Variants in CCDC144A observed in about 807,000 individuals in gnomAD.
CCDC144A encodes the protein coiled-coil domain-containing protein 144A.
Under a neutral mutation model 143.8 loss-of-function variants are expected in CCDC144A, and 41 were observed. The ratio of observed to expected loss-of-function variants is 0.29; its 90% CI spans 0.22 to 0.37. CCDC144A has a LOEUF of 0.37. CCDC144A is among the 10% of genes least tolerant of loss of function. The probability of loss-of-function intolerance (pLI) is 1.00; values close to 1 mark genes in which losing one functional copy is unlikely to be tolerated. For missense variants in CCDC144A, 637 were observed against 1,488.8 expected, an observed-to-expected ratio of 0.43 and a Z score of 9.41; for synonymous variants, 242 against 517.9, an observed-to-expected ratio of 0.47 and a Z score of 7.23.
intron 15 of CCDC144A, among the ~76,000 whole-genome samples, chr17:16,767,815 C>A (rs1915670308): frequency 6.6e-6 from 1 of 152,214 alleles, no homozygotes; most frequent in South Asian, 2.1e-4. Flanking sequence ...TCTCTACATT[C>A]ATGACAGTTA....
the CCDC144A span, among the ~76,000 whole-genome samples, chr17:16,675,529 G>T: frequency 1.3e-5 from 2 of 149,254 alleles, no homozygotes; most frequent in African/African-American, 2.5e-5. Flanking sequence ...TATAACATAC[G>T]GAAAACAAAA....
At chr17:16,716,067 A>G (rs1436626500) in intron 6 of CCDC144A, among the ~76,000 whole-genome samples, 1 of 152,102 alleles carries the variant, frequency 6.6e-6, no homozygotes, top group Non-Finnish European at 1.5e-5. Context: ...GTTGCCTTCC[A>G]TCAACTATGT....
intron 3 of CCDC144A, chr17:16,706,838 G>A (rs1227159742): frequency 6.6e-6 from 1 of 152,142 alleles, no homozygotes; most frequent in Non-Finnish European, 1.5e-5. Flanking sequence ...AGATGCAGTA[G>A]AAAAATCAGT....
chr17:16,693,330 T>G (rs1392882506), intron 2 of CCDC144A, among the ~76,000 whole-genome samples: 1 of 152,110 alleles, frequency 6.6e-6, no homozygotes, highest in African/African-American at 2.4e-5. Context: ...TTTTTTGTTT[T>G]TTTTTTGAGA....
intron 12 of CCDC144A, among the ~76,000 whole-genome samples, chr17:16,757,508 C>T (rs1236388823): frequency 6.6e-6 from 1 of 152,248 alleles, no homozygotes; most frequent in Non-Finnish European, 1.5e-5. Context: ...GTGGGGTGGG[C>T]TGCTCCTCAG....
At chr17:16,756,400 A>G (rs1372244320) in intron 12 of CCDC144A, among the ~76,000 whole-genome samples, 1 of 151,910 alleles carries the variant, frequency 6.6e-6, no homozygotes, top group Non-Finnish European at 1.5e-5. Flanking sequence ...TCTATTGCCA[A>G]CATTCTCAGT....
chr17:16,709,400 T>C lies in CCDC144A; in HGVS notation c.1343T>C (p.Leu448Ser). 4 of 1,611,638 alleles carry C rather than the reference T, an allele frequency of 2.5e-6. No individual in the cohort carries two copies. Among genetic ancestry groups the C allele is most frequent in the Non-Finnish European group, 3.4e-6 (4 of 1,179,630 alleles). The change falls in exon 5 of 17, where the codon TTG becomes TCG. Residue 448 changes from leucine to serine, a missense_variant. Transcript: ENST00000399273. ...VEMKEDQEFDLQMTKNMNQNS... is the reference protein window; with the variant it reads ...VEMKEDQEFDSQMTKNMNQNS... Reference sequence around the variant, plus strand: ...ATGAAAGAAGACCAAGAGTTTGATTTGCAAATGACAAAAAATATGAACCAA... The same window carrying C: ...ATGAAAGAAGACCAAGAGTTTGATTCGCAAATGACAAAAAATATGAACCAA...
chr17:16,690,959 G>C (rs545246764), intron 1 of CCDC144A, among the ~76,000 whole-genome samples: 1 of 152,310 alleles, frequency 6.6e-6, no homozygotes, highest in East Asian at 1.9e-4. Context: ...TCCCAACTGT[G>C]TTTATCCATT....
Position 16,708,775 on chromosome 17 carries a change from C to G in CCDC144A, c.739-21C>G, listed in dbSNP as rs770485215. On this transcript the variant is annotated intron_variant, in intron 4 of 16. Transcript: ENST00000399273. ...CAAGAAATAAAACAAGCAAATTAAT[C>G]TTCCACTTTTGCATCTGCAGAAAAC... 3.7e-6 allele frequency: 6 copies of G among 1,611,460 alleles called. No individual in the cohort carries two copies. The South Asian group carries it at 6.6e-5, about 18-fold the overall frequency.
intron 8 of CCDC144A, among the ~76,000 whole-genome samples, chr17:16,722,827 T>C (rs1451387188): frequency 2.0e-5 from 3 of 152,132 alleles, no homozygotes; most frequent in African/African-American, 7.2e-5. Flanking sequence ...CCTTTGTGGT[T>C]CCTTCATGTC....
upstream of CCDC144A, among the ~76,000 whole-genome samples, chr17:16,684,634 A>G (rs936770317): frequency 6.6e-6 from 1 of 151,498 alleles, no homozygotes; most frequent in Non-Finnish European, 1.5e-5. Context: ...AGCCTGAGCA[A>G]CGATATGAGA....
chr17:16,697,945 G>T (rs1311067010), intron 2 of CCDC144A, among the ~76,000 whole-genome samples: 3 of 152,178 alleles, frequency 2.0e-5, no homozygotes, highest in Non-Finnish European at 4.4e-5. Flanking sequence ...CAGTTTTCAG[G>T]TGTATAGAGG....
intron 5 of CCDC144A, chr17:16,710,043 A>G (rs1378021740): frequency 4.9e-6 from 1 of 202,716 alleles, no homozygotes; most frequent in African/African-American, 2.4e-5. Context: ...CTAAGAAGAG[A>G]TATAAAAATG....
chr17:16,695,789 A>T (rs1346011735), intron 2 of CCDC144A, among the ~76,000 whole-genome samples: 1 of 152,022 alleles, frequency 6.6e-6, no homozygotes, highest in African/African-American at 2.4e-5. Context: ...GCTGTAAAAA[A>T]GTGGGTAAGA....
chr17:16,736,235 CTTTTTTTT>C (rs71214289), intron 12 of CCDC144A, among the ~76,000 whole-genome samples: 1 of 98,182 alleles, frequency 1.0e-5, no homozygotes, highest in Non-Finnish European at 2.2e-5. Context: ...AAGGCATTTA[CTTTTTTTT>C]TTTTTTTTTT....
upstream of CCDC144A, among the ~76,000 whole-genome samples, chr17:16,685,155 T>C (rs1486150379): frequency 1.3e-5 from 2 of 152,130 alleles, no homozygotes; most frequent in African/African-American, 4.8e-5. Flanking sequence ...GCCTCCCAAG[T>C]ATCTGGGATT....
chr17:16,699,487 T>C (rs1329634492), intron 2 of CCDC144A, among the ~76,000 whole-genome samples: 6 of 80,546 alleles, frequency 7.4e-5, no homozygotes, highest in Non-Finnish European at 1.2e-4. Flanking sequence ...ACCATTCTCC[T>C]GCCTCAGCCT....
In CCDC144A at chr17:16,719,261, T is replaced by C. The variant is rs558742901; in HGVS notation, c.1716-937T>C. Reference sequence around the variant, plus strand: ...TATTGTGTGCTCAATGAGTATTTATTTGTTGAACGGGTGAATGAATGGGTG... The same window carrying C: ...TATTGTGTGCTCAATGAGTATTTATCTGTTGAACGGGTGAATGAATGGGTG... On this transcript the variant is annotated intron_variant, in intron 6 of 16. Coordinates refer to ENST00000399273, the MANE Select transcript of CCDC144A (RefSeq NM_001382000.1). 2.0e-5 allele frequency among the ~76,000 whole-genome samples: 3 copies of C among 152,292 alleles called. No homozygotes were observed. The South Asian group carries it at 6.2e-4, about 32-fold the overall frequency.
intron 6 of CCDC144A, among the ~76,000 whole-genome samples, chr17:16,712,312 T>C (rs2143139434): frequency 6.6e-6 from 1 of 152,264 alleles, no homozygotes; most frequent in South Asian, 2.1e-4. Context: ...TCTAATCATA[T>C]TGATATTTTA....
Sources: allele counts gnomAD v4.1 joint callset (sites outside exome capture counted in the v4.1 genomes callset), GRCh38; gene constraint gnomAD v4.1.1; transcripts MANE v1.5; gene names NCBI Gene and HGNC (gene_info 2026-07-23, HGNC 2026-07-21).